Variants in GABRB1 observed in about 807,000 individuals in gnomAD.
The protein encoded by GABRB1 is gamma-aminobutyric acid type A receptor subunit beta1, also known as gamma-aminobutyric acid receptor subunit beta-1.
In GABRB1, 17 loss-of-function variants were observed where a neutral mutation model predicts 51.6. That is an observed-to-expected ratio of 0.33 (90% CI 0.23 to 0.49). The LOEUF (loss-of-function observed/expected upper bound fraction) is 0.49. Ranked by LOEUF, GABRB1 falls within the 20% of genes least tolerant of loss-of-function variation. GABRB1 has a pLI of 0.99. For missense variants in GABRB1, 410 were observed against 600.6 expected (o/e 0.68, Z 3.32); for synonymous variants, 247 against 218.9 (o/e 1.13, Z -1.14).
chr4:47,106,702 T>C (rs1184177261), intron 3 of GABRB1, among the ~76,000 whole-genome samples: 1 of 152,010 alleles, frequency 6.6e-6, no homozygotes, highest in Non-Finnish European at 1.5e-5. Context: ...TCTATCTTTC[T>C]TGCATGAGGA....
Position 47,144,220 on chromosome 4 carries a change from C to T in GABRB1, c.241-17029C>T, listed in dbSNP as rs183379909. Among the ~76,000 whole-genome samples the T allele has an allele frequency of 4.6e-5, 7 of 152,046 alleles. 1 individual carries two copies. The highest frequency in any genetic ancestry group is 4.6e-4 in the Admixed American group (7 of 15,232). ...AAACTATAGATTAAATTCAAAAGAA[C>T]AACTTTAGGAGGTAGCTATTTTCCT... On this transcript the variant is annotated intron_variant, in intron 3 of 8. Coordinates refer to ENST00000295454, the MANE Select transcript of GABRB1 (RefSeq NM_000812.4).
At position 47,064,973 on chromosome 4, in the gene GABRB1, T is replaced by G. The variant is rs1183433232; in HGVS notation, c.240+32489T>G. ...TTATAAAGGCATTAGTGATTCAGTT[T>G]TGGCCTCTCTAGAAGCCTGCTTCCT... On this transcript the variant is annotated intron_variant, in intron 3 of 8. Transcript: ENST00000295454. Among the ~76,000 whole-genome samples the G allele has an allele frequency of 2.6e-5, 4 of 152,318 alleles. No individual in the cohort carries two copies. The East Asian group carries it at 7.7e-4, about 29-fold the overall frequency.
At chr4:47,253,274 G>A (rs1231066126) in intron 4 of GABRB1, among the ~76,000 whole-genome samples, 1 of 152,220 alleles carries the variant, frequency 6.6e-6, no homozygotes, top group African/African-American at 2.4e-5. Context: ...GAGGTTGTTA[G>A]TTGTTTATGT....
chr4:47,237,962 T>C (rs534017666), intron 4 of GABRB1, among the ~76,000 whole-genome samples: 3 of 152,162 alleles, frequency 2.0e-5, no homozygotes, highest in South Asian at 2.1e-4. Flanking sequence ...TAAATATTTA[T>C]ATAAACAGTA....
chr4:47,107,705 T>A (rs1424385584), intron 3 of GABRB1, among the ~76,000 whole-genome samples: 1 of 152,048 alleles, frequency 6.6e-6, no homozygotes, highest in Admixed American at 6.6e-5. Context: ...CATAATGATC[T>A]GTAAGAATTA....
chr4:47,300,588 C>G (rs1361531297), intron 4 of GABRB1, among the ~76,000 whole-genome samples: 4 of 151,924 alleles, frequency 2.6e-5, no homozygotes, highest in Non-Finnish European at 5.9e-5. Context: ...TGTAATTTGT[C>G]AATGCTCTCA....
intron 3 of GABRB1, among the ~76,000 whole-genome samples, chr4:47,105,463 G>T (rs1714921294): frequency 6.6e-6 from 1 of 152,028 alleles, no homozygotes; most frequent in Non-Finnish European, 1.5e-5. Context: ...TGCTTGCTTT[G>T]GTTCTTGTGG....
intron 3 of GABRB1, among the ~76,000 whole-genome samples, chr4:47,034,924 C>T (rs1305010678): frequency 6.6e-6 from 1 of 151,776 alleles, no homozygotes; most frequent in Non-Finnish European, 1.5e-5. Context: ...GTTTCGGTGC[C>T]CTGATAGGCA....
intron 5 of GABRB1, among the ~76,000 whole-genome samples, chr4:47,329,440 G>A (rs1725383734): frequency 6.8e-6 from 1 of 148,032 alleles, no homozygotes; most frequent in South Asian, 2.1e-4. Flanking sequence ...AAGCCAATAG[G>A]ACATATATAG....
chr4:47,171,165 G>A (rs1254863473), intron 4 of GABRB1, among the ~76,000 whole-genome samples: 1 of 151,700 alleles, frequency 6.6e-6, no homozygotes, highest in Non-Finnish European at 1.5e-5. Flanking sequence ...TTAAATTAAT[G>A]CAGAAGATTA....
intron 4 of GABRB1, among the ~76,000 whole-genome samples, chr4:47,239,382 G>T: frequency 6.6e-6 from 1 of 151,908 alleles, no homozygotes; most frequent in Non-Finnish European, 1.5e-5. Context: ...AACTTCTTTG[G>T]GTTATTTCCA....
upstream of GABRB1, among the ~76,000 whole-genome samples, chr4:47,030,943 G>A (rs1725268769): frequency 6.6e-6 from 1 of 152,124 alleles, no homozygotes; most frequent in South Asian, 2.1e-4. Context: ...AACGACAAGG[G>A]GAGGGAAGAA....
chr4:47,298,708 T>C (rs1029109524), intron 4 of GABRB1, among the ~76,000 whole-genome samples: 5 of 152,208 alleles, frequency 3.3e-5, no homozygotes, highest in African/African-American at 1.2e-4. Flanking sequence ...AAGCTACCAA[T>C]GACTTTCTTC....
chr4:47,152,858 CTCTT>C (rs560795230), intron 3 of GABRB1, among the ~76,000 whole-genome samples: 11 of 152,188 alleles, frequency 7.2e-5, no homozygotes, highest in African/African-American at 2.6e-4. Context: ...CAGTTTTCCT[CTCTT>C]TCACCTTCCT....
At chr4:47,328,377 A>C (rs1432348932) in intron 5 of GABRB1, among the ~76,000 whole-genome samples, 3 of 152,282 alleles carry the variant, frequency 2.0e-5, no homozygotes, top group East Asian at 3.9e-4. Flanking sequence ...TTAGACATGA[A>C]GTCCTTGCCC....
At chr4:47,360,845 A>C (rs1726782481) in intron 5 of GABRB1, among the ~76,000 whole-genome samples, 1 of 152,168 alleles carries the variant, frequency 6.6e-6, no homozygotes. Flanking sequence ...CTGGTAATTC[A>C]AGTTGTGGTC....
intron 4 of GABRB1, among the ~76,000 whole-genome samples, chr4:47,240,541 GGT>G (rs1721482597): frequency 6.6e-6 from 1 of 152,174 alleles, no homozygotes; most frequent in African/African-American, 2.4e-5. Flanking sequence ...GAAAGGAAAA[GGT>G]GATGGTACAT....
intron 5 of GABRB1, among the ~76,000 whole-genome samples, chr4:47,381,698 C>A (rs1287888147): frequency 6.6e-6 from 1 of 152,174 alleles, no homozygotes; most frequent in Non-Finnish European, 1.5e-5. Flanking sequence ...GGGTCAGAGA[C>A]AGACACAGGC....
intron 8 of GABRB1, among the ~76,000 whole-genome samples, chr4:47,424,566 C>T (rs1729204432): frequency 6.6e-6 from 1 of 152,170 alleles, no homozygotes; most frequent in African/African-American, 2.4e-5. Context: ...GCCTCCTTAT[C>T]TATACCTAGT....
Sources: gnomAD v4.1 joint callset for allele counts (sites outside exome capture counted in the v4.1 genomes callset) on GRCh38, gnomAD v4.1.1 for gene constraint, MANE v1.5 for transcripts, NCBI Gene and HGNC (gene_info 2026-07-23, HGNC 2026-07-21) for gene names.